F13A1: variants seen among roughly 807,000 people sequenced by gnomAD.
F13A1 encodes coagulation factor XIII A chain, also known as FSF, A subunit.
A neutral mutation model predicts 80.1 loss-of-function variants in F13A1; 47 were observed. The ratio of observed to expected loss-of-function variants is 0.59; its 90% CI spans 0.46 to 0.75. F13A1 has a LOEUF of 0.75. F13A1 is among the 30% of genes least tolerant of loss of function. The pLI is 0.00. For missense variants in F13A1, 817 were observed against 930.4 expected (o/e 0.88, Z 1.59); for synonymous variants, 349 against 344.9 (o/e 1.01, Z -0.13).
chr6:6,266,427 G>T lies in F13A1; in HGVS notation c.571+131C>A. On this transcript the variant is annotated intron_variant, in intron 4 of 14. Coordinates refer to ENST00000264870, the MANE Select transcript of F13A1 (RefSeq NM_000129.4). Reference sequence around the variant, plus strand: ...TTAATTTTTATTTTTTAGAGACTAGGTCTCAAACTCCTGGCCTCAAGCGAT... The same window carrying T: ...TTAATTTTTATTTTTTAGAGACTAGTTCTCAAACTCCTGGCCTCAAGCGAT... 8 of 1,364,010 alleles carry T rather than the reference G, an allele frequency of 5.9e-6. No individual in the cohort carries two copies. The South Asian group carries it at 9.4e-5, about 16-fold the overall frequency. The allele number at this position is 1,364,010 out of a possible 1,614,324, so 84.5% of individuals were successfully genotyped here.
intron 3 of F13A1, among the ~76,000 whole-genome samples, chr6:6,301,059 A>C (rs58226479): frequency 0.056 from 8,514 of 152,196 alleles, 625 homozygotes; most frequent in African/African-American, 0.17. Flanking sequence ...CTTTGCACTT[A>C]ATTTCATTTC....
intron 13 of F13A1, among the ~76,000 whole-genome samples, chr6:6,157,379 A>G (rs1014567183): frequency 6.6e-6 from 1 of 152,156 alleles, no homozygotes; most frequent in Non-Finnish European, 1.5e-5. Flanking sequence ...TAAAACATTC[A>G]TCTTCAAAAC....
intron 10 of F13A1, among the ~76,000 whole-genome samples, chr6:6,188,106 TTCTC>T (rs1256620225): frequency 2.6e-5 from 4 of 152,204 alleles, no homozygotes; most frequent in Non-Finnish European, 5.9e-5. Flanking sequence ...TATTTGATTC[TTCTC>T]TCTTTTTTTC....
chr6:6,199,979 A>G (rs1461308970), intron 8 of F13A1, among the ~76,000 whole-genome samples: 1 of 152,184 alleles, frequency 6.6e-6, no homozygotes, highest in Admixed American at 6.5e-5. Flanking sequence ...TCCAAGTAGT[A>G]TGATGGTTTT....
chr6:6,147,194 T>G (rs944217552), intron 14 of F13A1, among the ~76,000 whole-genome samples: 3 of 152,100 alleles, frequency 2.0e-5, no homozygotes, highest in Non-Finnish European at 4.4e-5. Flanking sequence ...TACAAAATGG[T>G]TACAGTATAT....
At chr6:6,223,740 A>G (rs1484118774) in intron 7 of F13A1, among the ~76,000 whole-genome samples, 1 of 152,134 alleles carries the variant, frequency 6.6e-6, no homozygotes, top group African/African-American at 2.4e-5. Context: ...TTGAGCTAAA[A>G]CAAATAGGTT....
chr6:6,248,279 A>G, intron 6 of F13A1, 33 bp downstream of exon 6: 1 of 1,555,100 alleles, frequency 6.4e-7, no homozygotes, highest in Non-Finnish European at 8.9e-7. Context: ...TGACAGGTGT[A>G]ACAGATTTTA....
chr6:6,315,094 G>C (rs1169128769), intron 2 of F13A1, among the ~76,000 whole-genome samples: 1 of 152,210 alleles, frequency 6.6e-6, no homozygotes, highest in African/African-American at 2.4e-5. Context: ...ACTGTTAAAT[G>C]ATTCCAATTA....
chr6:6,259,515 A>G (rs1425900613), intron 4 of F13A1, among the ~76,000 whole-genome samples: 2 of 152,210 alleles, frequency 1.3e-5, no homozygotes, highest in Admixed American at 1.3e-4. Context: ...AGGAAATATT[A>G]GATGCTAATT....
In F13A1 at chr6:6,224,671, C is replaced by A; in HGVS notation, c.973+15G>T. 1 of 1,611,764 alleles carries A rather than the reference C, an allele frequency of 6.2e-7. No homozygotes were observed. The highest frequency in any genetic ancestry group is 1.1e-5 in the South Asian group (1 of 90,812). On this transcript the variant is annotated intron_variant, in intron 7 of 14. Transcript: ENST00000264870. ...TCCTTTATATTAAAAAGAAATTACTCAGTTGGATACTTACATGTGTTAAAG... is the reference window on the plus strand; with the variant it reads ...TCCTTTATATTAAAAAGAAATTACTAAGTTGGATACTTACATGTGTTAAAG...
At chr6:6,305,327 C>T (rs1159621081) in intron 3 of F13A1, 24 bp downstream of exon 3, 5 of 1,614,016 alleles carry the variant, frequency 3.1e-6, no homozygotes, top group Non-Finnish European at 4.2e-6. Flanking sequence ...GGTGTCAAGA[C>T]TGGAGCTTGC....
chr6:6,296,599 A>G (rs972942697), intron 3 of F13A1, among the ~76,000 whole-genome samples: 4 of 150,246 alleles, frequency 2.7e-5, no homozygotes, highest in Admixed American at 6.6e-5. Context: ...TTGATTTTGT[A>G]TCCTGAGACT....
chr6:6,239,400 C>T (rs941854599), intron 6 of F13A1, among the ~76,000 whole-genome samples: 1 of 151,828 alleles, frequency 6.6e-6, no homozygotes, highest in African/African-American at 2.4e-5. Context: ...GGTGATTACC[C>T]CAATCAAAAG....
chr6:6,171,735 T>C (rs1306030762), intron 12 of F13A1, among the ~76,000 whole-genome samples: 2 of 152,250 alleles, frequency 1.3e-5, no homozygotes, highest in Non-Finnish European at 2.9e-5. Context: ...AAAGGCCTTA[T>C]AAAGGCCTAC....
Position 6,167,964 on chromosome 6 carries a change from G to A in F13A1, c.1748-346C>T, listed in dbSNP as rs774959674. Among the ~76,000 whole-genome samples the A allele has an allele frequency of 5.4e-4, 82 of 152,304 alleles. 1 individual carries two copies. Among genetic ancestry groups the A allele is most frequent in the Non-Finnish European group, 9.6e-4 (65 of 68,030 alleles). ...TAATGGTGGCTTTGATTTGGGCCGG[G>A]ATCATCCCAAAATGGAACATGTGGG... On this transcript the variant is annotated intron_variant, in intron 12 of 14. Transcript: ENST00000264870.
intron 7 of F13A1, among the ~76,000 whole-genome samples, chr6:6,223,643 T>C (rs1312949646): frequency 6.6e-6 from 1 of 152,204 alleles, no homozygotes; most frequent in Non-Finnish European, 1.5e-5. Flanking sequence ...TCTTATCCTG[T>C]TTGATACTAT....
intron 13 of F13A1, among the ~76,000 whole-genome samples, chr6:6,159,525 T>G (rs1016152177): frequency 6.6e-6 from 1 of 152,086 alleles, no homozygotes; most frequent in Non-Finnish European, 1.5e-5. Flanking sequence ...ACCCCCTTTT[T>G]TGGGGGGATG....
intron 6 of F13A1, among the ~76,000 whole-genome samples, chr6:6,230,727 C>G (rs115652364): frequency 0.026 from 3,949 of 152,232 alleles, 177 homozygotes; most frequent in African/African-American, 0.09. Context: ...GGCGCTATTC[C>G]GGTGGCTGAG....
At chr6:6,176,375 A>G (rs1237121837) in intron 11 of F13A1, among the ~76,000 whole-genome samples, 1 of 152,214 alleles carries the variant, frequency 6.6e-6, no homozygotes, top group East Asian at 1.9e-4. Context: ...TAACAACACT[A>G]TAAGACAGAC....
Sources: allele counts gnomAD v4.1 joint callset (sites outside exome capture counted in the v4.1 genomes callset), GRCh38; gene constraint gnomAD v4.1.1; transcripts MANE v1.5; gene names NCBI Gene and HGNC (gene_info 2026-07-23, HGNC 2026-07-21).